Variants in TRHDE observed in about 807,000 individuals in gnomAD.
TRHDE encodes the protein thyrotropin-releasing hormone-degrading ectoenzyme.
Under a neutral mutation model 125.7 loss-of-function variants are expected in TRHDE, and 72 were observed. The ratio of observed to expected loss-of-function variants is 0.57; its 90% CI spans 0.47 to 0.70. The LOEUF (loss-of-function observed/expected upper bound fraction) is 0.70, where lower values mean the gene tolerates loss of function less well. Ranked by LOEUF, TRHDE falls within the 30% of genes least tolerant of loss-of-function variation. The pLI is 0.00. For missense variants in TRHDE, 1,110 were observed against 1,327.1 expected (o/e 0.84, Z 2.54); for synonymous variants, 509 against 509.1 (o/e 1.00, Z 0.00).
intron 12 of TRHDE, among the ~76,000 whole-genome samples, chr12:72,589,332 A>G (rs1408873538): frequency 2.6e-5 from 4 of 151,316 alleles, no homozygotes; most frequent in African/African-American, 7.3e-5. Flanking sequence ...TTTTCTTTCT[A>G]TTGCACTTTT....
intron 15 of TRHDE, among the ~76,000 whole-genome samples, chr12:72,640,006 C>A (rs1426039740): frequency 6.6e-6 from 1 of 152,102 alleles, no homozygotes; most frequent in East Asian, 1.9e-4. Flanking sequence ...GGCAGGCAGG[C>A]CTCCTTGAGC....
At chr12:72,522,866 GC>G (rs1487924782) in intron 6 of TRHDE, among the ~76,000 whole-genome samples, 2 of 152,032 alleles carry the variant, frequency 1.3e-5, no homozygotes, top group Non-Finnish European at 2.9e-5. Context: ...GAACATACCT[GC>G]CTCTCCACAT....
chr12:72,284,448 A>G (rs1592518619), intron 1 of TRHDE, among the ~76,000 whole-genome samples: 1 of 152,198 alleles, frequency 6.6e-6, no homozygotes, highest in East Asian at 1.9e-4. Context: ...AGCATTATGT[A>G]AGATAAAAGC....
upstream of TRHDE, among the ~76,000 whole-genome samples, chr12:72,268,532 G>C (rs1043751240): frequency 2.6e-5 from 4 of 152,176 alleles, no homozygotes; most frequent in East Asian, 7.7e-4. Context: ...AGAGGAAGAT[G>C]AAGGTGATCA....
chr12:72,495,741 G>A (rs927092577), intron 5 of TRHDE, among the ~76,000 whole-genome samples: 3 of 152,032 alleles, frequency 2.0e-5, no homozygotes, highest in African/African-American at 7.2e-5. Flanking sequence ...TTAAATGAAT[G>A]AATACATAAA....
chr12:72,242,586 C>A (rs563854081), intron 2 of TRHDE, among the ~76,000 whole-genome samples: 4 of 152,198 alleles, frequency 2.6e-5, no homozygotes, highest in East Asian at 3.9e-4. Context: ...GCTTCTTGAG[C>A]GGGAAGTAGT....
intron 1 of TRHDE, among the ~76,000 whole-genome samples, chr12:72,281,564 T>G (rs1378530546): frequency 3.3e-5 from 5 of 152,220 alleles, no homozygotes; most frequent in Non-Finnish European, 7.3e-5. Flanking sequence ...CACTGTGTTA[T>G]GCAGAGATGT....
At chr12:72,657,128 C>CCA (rs3217400) in intron 18 of TRHDE, 120 bp downstream of exon 18, 75,473 of 618,252 alleles carry the variant, frequency 0.12, 3,510 homozygotes, top group East Asian at 0.39. Flanking sequence ...CACACGCACA[C>CCA]CACACACACA....
intron 2 of TRHDE, among the ~76,000 whole-genome samples, chr12:72,135,916 G>T (rs1039677480): frequency 1.3e-5 from 2 of 151,998 alleles, no homozygotes; most frequent in Admixed American, 1.3e-4. Context: ...CTCAGTAATG[G>T]ATATCTTGGG....
At chr12:72,320,559 G>GTT (rs1869038665) in intron 2 of TRHDE, among the ~76,000 whole-genome samples, 1 of 151,510 alleles carries the variant, frequency 6.6e-6, no homozygotes. Context: ...GTGTGTGTGT[G>GTT]TGTGTGTGTG....
rs565313535 is a variant in TRHDE at position 72,151,181 on chromosome 12, G to A, written n.279+45429G>A. 3.3e-5 allele frequency among the ~76,000 whole-genome samples: 5 copies of A among 152,212 alleles called. No homozygotes were observed. The South Asian group carries it at 8.3e-4, about 25-fold the overall frequency. The stretch of plus-strand genomic sequence containing the variant: ...TGAGCATTTTTTCATGTGTCTGTTG[G>A]GTGCATAAATGTCTTCTTTTGAGAA... On this transcript the variant is annotated intron_variant and non_coding_transcript_variant, in intron 2 of 4. Transcript: ENST00000548156.
intron 9 of TRHDE, among the ~76,000 whole-genome samples, chr12:72,564,653 ATTTTTTTTTTTTTTTTTTTT>A (rs538823843): frequency 3.7e-5 from 2 of 54,276 alleles, no homozygotes; most frequent in Non-Finnish European, 6.5e-5. Context: ...ATGCGTATGA[ATTTTTTTTTTTTTTTTTTTT>A]TTTTTTTTTT....
chr12:72,285,246 T>C (rs1196527030), intron 1 of TRHDE, among the ~76,000 whole-genome samples: 2 of 152,146 alleles, frequency 1.3e-5, no homozygotes, highest in East Asian at 1.9e-4. Context: ...GTGCTGAGAA[T>C]AATTTTGAGG....
intron 2 of TRHDE, among the ~76,000 whole-genome samples, chr12:72,246,335 A>T (rs1011890893): frequency 1.3e-5 from 2 of 152,154 alleles, no homozygotes; most frequent in African/African-American, 4.8e-5. Flanking sequence ...CTTCTGATGC[A>T]TTATTCTGTG....
intron 15 of TRHDE, among the ~76,000 whole-genome samples, chr12:72,648,476 A>AT (rs991997896): frequency 3.9e-5 from 6 of 152,188 alleles, no homozygotes; most frequent in African/African-American, 1.2e-4. Context: ...TGTACATGAC[A>AT]TGATCTCATA....
chr12:72,206,738 A>G (rs1877674349), intron 2 of TRHDE, among the ~76,000 whole-genome samples: 1 of 152,098 alleles, frequency 6.6e-6, no homozygotes, highest in Admixed American at 6.5e-5. Flanking sequence ...GAAAATTTTA[A>G]AAAAGAAAAT....
At chr12:72,095,499 A>G (rs1874893973) in intron 1 of TRHDE, among the ~76,000 whole-genome samples, 1 of 152,146 alleles carries the variant, frequency 6.6e-6, no homozygotes, top group South Asian at 2.1e-4. Context: ...CTCACCTTAG[A>G]GATGAGGAAG....
At chr12:72,187,347 A>ACACG (rs1565658174) in intron 2 of TRHDE, among the ~76,000 whole-genome samples, 1 of 148,040 alleles carries the variant, frequency 6.8e-6, no homozygotes, top group Non-Finnish European at 1.5e-5. Flanking sequence ...ACACACACAC[A>ACACG]CACACACACA....
chr12:72,588,118 C>T (rs1046131476), intron 12 of TRHDE, among the ~76,000 whole-genome samples: 2 of 152,098 alleles, frequency 1.3e-5, no homozygotes, highest in African/African-American at 4.8e-5. Flanking sequence ...CTTCACAATG[C>T]TTATAGTGCA....
Sources: gnomAD v4.1 joint callset for allele counts (sites outside exome capture counted in the v4.1 genomes callset) on GRCh38, gnomAD v4.1.1 for gene constraint, MANE v1.5 for transcripts, NCBI Gene and HGNC (gene_info 2026-07-23, HGNC 2026-07-21) for gene names.